AIG1: variants seen among roughly 807,000 people sequenced by gnomAD.
The protein encoded by AIG1 is androgen-induced gene 1 protein.
A neutral mutation model predicts 31.4 loss-of-function variants in AIG1; 23 were observed. The ratio of observed to expected loss-of-function variants is 0.73; its 90% CI spans 0.53 to 1.04. The LOEUF (loss-of-function observed/expected upper bound fraction) is 1.04, where lower values mean the gene tolerates loss of function less well. AIG1 is among the 50% of genes least tolerant of loss of function. The pLI, the probability that AIG1 is intolerant of heterozygous loss-of-function variation, is 0.00. For synonymous variants in AIG1, 100 were observed against 110.5 expected (o/e 0.90, Z 0.60); for missense variants, 274 against 295.0 (o/e 0.93, Z 0.52).
chr6:143,244,974 G>C (rs1794510034), intron 3 of AIG1, among the ~76,000 whole-genome samples: 1 of 152,096 alleles, frequency 6.6e-6, no homozygotes, highest in Admixed American at 6.5e-5. Flanking sequence ...TTGAACAACA[G>C]TTTAACCTTC....
At chr6:143,148,110 G>A (rs768346302) in intron 2 of AIG1, among the ~76,000 whole-genome samples, 4 of 152,014 alleles carry the variant, frequency 2.6e-5, no homozygotes, top group Non-Finnish European at 5.9e-5. Context: ...TCCAACTAAC[G>A]GAGTGCTTGC....
intron 1 of AIG1, among the ~76,000 whole-genome samples, chr6:143,102,614 G>A (rs62429637): frequency 0.096 from 14,260 of 148,550 alleles, 971 homozygotes; most frequent in Non-Finnish European, 0.14. Context: ...ATATCCCAGG[G>A]GAGATTATGT....
intron 2 of AIG1, among the ~76,000 whole-genome samples, chr6:143,138,128 A>G (rs1474422861): frequency 6.6e-6 from 1 of 152,192 alleles, no homozygotes; most frequent in Non-Finnish European, 1.5e-5. Context: ...CCTGAGAAAA[A>G]CACAATGGCC....
intron 4 of AIG1, among the ~76,000 whole-genome samples, chr6:143,320,820 AT>A (rs35582590): frequency 0.64 from 86,313 of 134,308 alleles, 27,238 homozygotes; most frequent in Middle Eastern, 0.73. Flanking sequence ...AAGCGAGTAG[AT>A]TTTTTTTTTT....
intron 1 of AIG1, among the ~76,000 whole-genome samples, chr6:143,117,604 C>T (rs1781849331): frequency 6.6e-6 from 1 of 152,140 alleles, no homozygotes; most frequent in African/African-American, 2.4e-5. Flanking sequence ...GCCTGTCTGA[C>T]TTTCAAATGC....
chr6:143,077,478 A>C (rs1777839340), intron 1 of AIG1, among the ~76,000 whole-genome samples: 1 of 152,340 alleles, frequency 6.6e-6, no homozygotes, highest in African/African-American at 2.4e-5. Flanking sequence ...AGTTCTGGTT[A>C]GCAGTTCTTT....
intron 4 of AIG1, among the ~76,000 whole-genome samples, chr6:143,318,177 C>G (rs1775920243): frequency 6.6e-6 from 1 of 151,788 alleles, no homozygotes; most frequent in South Asian, 2.1e-4. Flanking sequence ...CAAAAAAATG[C>G]AAGACTAAGC....
At chr6:143,059,969 A>G (rs1776099399), upstream of AIG1, among the ~76,000 whole-genome samples, 5 of 152,214 alleles carry the variant, frequency 3.3e-5, no homozygotes, top group South Asian at 8.3e-4. Context: ...GTGTAGTGTA[A>G]GAAAAAAGTA....
chr6:143,070,446 T>A (rs899897745), intron 1 of AIG1, among the ~76,000 whole-genome samples: 6 of 152,236 alleles, frequency 3.9e-5, no homozygotes, highest in Non-Finnish European at 8.8e-5. Context: ...ATGGTATTTT[T>A]AATTTTTTTT....
At position 143,291,073 on chromosome 6, in the gene AIG1, TA is replaced by T; in HGVS notation, c.515+6850del. ...AGGCTCTAAGAGAATCCCTGGTAAA[TA>T]ATAGCTATGAGGCAGGAATTTAGGA... On this transcript the variant is annotated intron_variant, in intron 4 of 5. Transcript: ENST00000357847. This position sits in a 1 kb window ranked among gnomAD's most constrained non-coding sequence, Gnocchi z 4.2. 6.6e-6 allele frequency among the ~76,000 whole-genome samples: 1 copy of T among 152,166 alleles called. No individual in the cohort carries two copies. Among genetic ancestry groups the T allele is most frequent in the South Asian group, 2.1e-4 (1 of 4,824 alleles).
chr6:143,198,893 A>G (rs567461865), intron 3 of AIG1, among the ~76,000 whole-genome samples: 1 of 152,318 alleles, frequency 6.6e-6, no homozygotes, highest in African/African-American at 2.4e-5. Context: ...TTGTGGAAAA[A>G]GGAGAAAAGA....
intron 3 of AIG1, among the ~76,000 whole-genome samples, chr6:143,217,790 T>G (rs1390322546): frequency 6.6e-6 from 1 of 152,208 alleles, no homozygotes; most frequent in Admixed American, 6.5e-5. Flanking sequence ...ATTACAGGCG[T>G]AAGCCACCAC....
intron 2 of AIG1, among the ~76,000 whole-genome samples, chr6:143,142,449 T>A (rs900000397): frequency 1.3e-5 from 2 of 152,156 alleles, no homozygotes; most frequent in Admixed American, 6.5e-5. Flanking sequence ...ATGCATGTAA[T>A]CTAACCTCAT....
At chr6:143,266,210 G>C (rs1170851488) in intron 3 of AIG1, among the ~76,000 whole-genome samples, 5 of 150,778 alleles carry the variant, frequency 3.3e-5, no homozygotes, top group Non-Finnish European at 5.9e-5. Context: ...AGCCGAGCAT[G>C]GTGGCGAGCG....
At chr6:143,099,598 A>G (rs1242937670) in intron 1 of AIG1, 1 of 152,126 alleles carries the variant, frequency 6.6e-6, no homozygotes, top group Non-Finnish European at 1.5e-5. Context: ...TTTTAGTAGT[A>G]TATACTCCTA....
intron 3 of AIG1, among the ~76,000 whole-genome samples, chr6:143,207,908 G>A (rs1791251992): frequency 1.3e-5 from 2 of 152,102 alleles, no homozygotes; most frequent in South Asian, 4.1e-4. Context: ...AGTCAGTAGA[G>A]TCATGTCTTT....
chr6:143,205,004 A>G (rs1454220893), intron 3 of AIG1, among the ~76,000 whole-genome samples: 1 of 152,132 alleles, frequency 6.6e-6, no homozygotes, highest in Non-Finnish European at 1.5e-5. Flanking sequence ...CACTGATTTT[A>G]CCAGACATGT....
chr6:143,091,976 G>A (rs913442474), intron 1 of AIG1, among the ~76,000 whole-genome samples: 2 of 151,918 alleles, frequency 1.3e-5, no homozygotes, highest in African/African-American at 2.4e-5. Flanking sequence ...AGGTGTATTA[G>A]TAATATTAAT....
chr6:143,071,689 G>T (rs9484701), intron 1 of AIG1, among the ~76,000 whole-genome samples: 32,983 of 150,686 alleles, frequency 0.22, 6,962 homozygotes, highest in African/African-American at 0.55. Context: ...TTCTTTTTTT[G>T]TTGTTGTTGT....
Sources: gnomAD v4.1 joint callset for allele counts (sites outside exome capture counted in the v4.1 genomes callset) on GRCh38, gnomAD v4.1.1 for gene constraint, Gnocchi (gnomAD v3.1) non-coding constraint, MANE v1.5 for transcripts, NCBI Gene and HGNC (gene_info 2026-07-23, HGNC 2026-07-21) for gene names.